The following ANKRD49 variants were observed in gnomAD, a reference collection of about 807,000 sequenced individuals.
ANKRD49 encodes ankyrin repeat domain 49.
A neutral mutation model predicts 19.6 loss-of-function variants in ANKRD49; 18 were observed. The observed-to-expected ratio is 0.92, with a 90% CI of 0.63 to 1.36. The LOEUF is 1.36. Among genes scored for constraint, ANKRD49 ranks in the 40% most tolerant of loss-of-function variants. ANKRD49 has a pLI of 0.00. For missense variants in ANKRD49, 218 were observed against 281.6 expected (o/e 0.77, Z 1.62); for synonymous variants, 88 against 101.8 (o/e 0.86, Z 0.82).
chr11:94,497,044 C>A, intron 2 of ANKRD49, 93 bp downstream of exon 2: 1 of 1,525,124 alleles, frequency 6.6e-7, no homozygotes, highest in Non-Finnish European at 9.0e-7. Context: ...GCCATCATAC[C>A]TATCTCTTGA....
chr11:94,494,373 A>T (rs1947379037), intron 1 of ANKRD49, among the ~76,000 whole-genome samples: 2 of 152,272 alleles, frequency 1.3e-5, no homozygotes, highest in Middle Eastern at 3.4e-3. Flanking sequence ...GAGCAGTAAG[A>T]TGTATAGTGC....
Position 94,498,371 on chromosome 11 carries a change from A to G in ANKRD49, c.559A>G (p.Ser187Gly), listed in dbSNP as rs1359533075. 1.2e-6 allele frequency: 2 copies of G among 1,613,278 alleles called. No homozygotes were observed. Among genetic ancestry groups the G allele is most frequent in the Non-Finnish European group, 1.7e-6 (2 of 1,179,886 alleles). ...PLHLAAGNRDSKDTLELLLMN... is the reference protein window; with the variant it reads ...PLHLAAGNRDGKDTLELLLMN... ...GCATCTTGCTGCTGGGAACAGAGAC[A>G]GCAAGGATACCCTAGAACTCCTCCT... Residue 187 changes from serine to glycine, a missense_variant, in exon 3 of 3, where the codon AGC becomes GGC. Coordinates refer to ENST00000544612, the MANE Select transcript of ANKRD49 (RefSeq NM_017704.3).
At position 94,496,757 on chromosome 11, in the gene ANKRD49, G is replaced by C; in HGVS notation, c.64G>C (p.Glu22Gln). Residue 22 changes from glutamate to glutamine, a missense_variant, in exon 2 of 3, where the codon GAA becomes CAA. Coordinates refer to ENST00000544612, the MANE Select transcript of ANKRD49 (RefSeq NM_017704.3). ...PDQENSLDFS[E>Q]HFNQLELLET... is the part of the protein sequence containing the mutation. ...CCAAGAGAATTCCTTGGATTTTTCT[G>C]AACACTTTAACCAACTTGAATTGTT... 1 of 1,612,350 alleles carries C rather than the reference G, an allele frequency of 6.2e-7. No homozygotes were observed. Among genetic ancestry groups the C allele is most frequent in the South Asian group, 1.1e-5 (1 of 90,578 alleles).
At chr11:94,497,773 T>C in intron 2 of ANKRD49, 1 of 296,172 alleles carries the variant, frequency 3.4e-6, no homozygotes, top group Non-Finnish European at 6.3e-6. Flanking sequence ...ATGTTATTCA[T>C]TGGACTGAAG....
intron 2 of ANKRD49, chr11:94,497,222 A>G: frequency 1.9e-6 from 1 of 533,642 alleles, no homozygotes; most frequent in Non-Finnish European, 3.3e-6. Flanking sequence ...TAGGAAAGAG[A>G]GGATGGAAAC....
chr11:94,494,602 A>G (rs1049671732), intron 1 of ANKRD49, among the ~76,000 whole-genome samples: 1 of 152,184 alleles, frequency 6.6e-6, no homozygotes, highest in African/African-American at 2.4e-5. Flanking sequence ...ATACCCTGAC[A>G]TTCCTGATGG....
chr11:94,496,819 A>C lies in ANKRD49; in HGVS notation c.126A>C (p.Gln42His), dbSNP rs1402360160. The C allele has an allele frequency of 6.2e-7, 1 of 1,613,944 alleles. No homozygotes were observed. Among genetic ancestry groups the C allele is most frequent in the African/African-American group, 1.3e-5 (1 of 74,916 alleles). Residue 42 changes from glutamine (Q) to histidine (H), a missense_variant, in exon 2 of 3, where the codon CAA becomes CAC. Transcript: ENST00000544612. ...GACACCTTATTCCTACTGGTACTCA[A>C]AGTCTTTGGGTAGGCAATTCTGATG... Reference protein sequence around the residue: ...THGHLIPTGTQSLWVGNSDED... With the variant: ...THGHLIPTGTHSLWVGNSDED...
chr11:94,498,745 T>G lies in ANKRD49; in HGVS notation c.*213T>G. ...TAATTATTTCTGTGGAGTTTGTGAT[T>G]TTTTTATCAGAAATAATTTTAATGT... On this transcript the variant is annotated 3_prime_UTR_variant, in exon 3 of 3. Transcript: ENST00000544612. The G allele has an allele frequency of 1.8e-6, 1 of 567,258 alleles. No homozygotes were observed. The highest frequency in any genetic ancestry group is 3.1e-6 in the Non-Finnish European group (1 of 325,290). 35.1% of individuals were successfully genotyped at this position (567,258 alleles called of 1,614,324 possible).
Position 94,496,886 on chromosome 11 carries a change from T to G in ANKRD49, c.193T>G (p.Leu65Val). 6.2e-7 allele frequency: 1 copy of G among 1,613,446 alleles called. No homozygotes were observed. The highest frequency in any genetic ancestry group is 8.5e-7 in the Non-Finnish European group (1 of 1,179,890). Residue 65 changes from leucine to valine, a missense_variant, in exon 2 of 3, where the codon TTG becomes GTG. Physicochemically the swap from Leu to Val is conservative, Grantham distance 32. Transcript: ENST00000544612. ...QDDKNEEWYR[L>V]QEKKMEKDPS... The stretch of plus-strand genomic sequence containing the variant: ...TGACAAAAATGAAGAGTGGTATCGA[T>G]TGCAAGAAAAAAAAATGGAAAAAGA...
intron 1 of ANKRD49, 133 bp from the exon 2 acceptor site, chr11:94,496,471 G>A (rs1051793551): frequency 3.1e-5 from 13 of 415,168 alleles, no homozygotes; most frequent in African/African-American, 2.6e-4. Context: ...AGTATTTAGT[G>A]TATGTAAGGG....
chr11:94,498,239 A>T lies in ANKRD49; in HGVS notation c.427A>T (p.Thr143Ser), dbSNP rs1233492903. 3.7e-6 allele frequency: 6 copies of T among 1,613,986 alleles called. No homozygotes were observed. The Admixed American group carries it at 1.0e-4, about 27-fold the overall frequency. Residue 143 changes from threonine to serine, a missense_variant, in exon 3 of 3, where the codon ACG (threonine) becomes TCG (serine). Coordinates refer to ENST00000544612, the MANE Select transcript of ANKRD49 (RefSeq NM_017704.3). Reference protein sequence around the residue: ...DVHAVTVDGWTPLHSACKWNN... With the variant: ...DVHAVTVDGWSPLHSACKWNN... ...TCATGCAGTGACTGTGGATGGCTGG[A>T]CGCCCCTGCACAGTGCTTGTAAGTG...
chr11:94,497,260 A>G (rs1455543713), intron 2 of ANKRD49: 6 of 503,390 alleles, frequency 1.2e-5, no homozygotes, highest in African/African-American at 9.6e-5. Flanking sequence ...TAACTATACC[A>G]GGTACCTTAT....
At chr11:94,494,418 G>A (rs1683515311) in intron 1 of ANKRD49, among the ~76,000 whole-genome samples, 1 of 152,160 alleles carries the variant, frequency 6.6e-6, no homozygotes, top group Non-Finnish European at 1.5e-5. Context: ...GAATTAGAAC[G>A]TCTGCCCTTT....
intron 2 of ANKRD49, 187 bp downstream of exon 2, chr11:94,497,138 G>A (rs1947428012): frequency 8.2e-5 from 58 of 709,248 alleles, no homozygotes; most frequent in Middle Eastern, 7.3e-4. Flanking sequence ...GGGGGTTTAA[G>A]GATAATTATC....
chr11:94,498,476 T>A lies in ANKRD49; in HGVS notation c.664T>A (p.Tyr222Asn), dbSNP rs1215593017. The change falls in exon 3 of 3, where the codon TAT becomes AAT. Residue 222 changes from tyrosine to asparagine, a missense_variant. Coordinates refer to ENST00000544612, the MANE Select transcript of ANKRD49 (RefSeq NM_017704.3). ...TGATATTGCCAGGAGGACAAGTATC[T>A]ATCACTACCTCTTTGAAATTGTGGA... ...AFDIARRTSIYHYLFEIVEGC... is the reference protein window; with the variant it reads ...AFDIARRTSINHYLFEIVEGC... 6.2e-7 allele frequency: 1 copy of A among 1,613,924 alleles called. No individual in the cohort carries two copies. The highest frequency in any genetic ancestry group is 2.2e-5 in the East Asian group (1 of 44,888).
chr11:94,494,619 A>G (rs1947383076), intron 1 of ANKRD49, among the ~76,000 whole-genome samples: 1 of 152,190 alleles, frequency 6.6e-6, no homozygotes, highest in Non-Finnish European at 1.5e-5. Flanking sequence ...ATGGAATATC[A>G]GGAATATCAT....
intron 1 of ANKRD49, among the ~76,000 whole-genome samples, chr11:94,494,404 T>C (rs1238208288): frequency 1.3e-5 from 2 of 152,206 alleles, no homozygotes; most frequent in Admixed American, 1.3e-4. Context: ...AATGTAGAAC[T>C]TTTGAATTAG....
At position 94,498,360 on chromosome 11, in the gene ANKRD49, G is replaced by T; in HGVS notation, c.548G>T (p.Gly183Val). 6.2e-7 allele frequency: 1 copy of T among 1,613,444 alleles called. No individual in the cohort carries two copies. ...TTGACCCCCTTGCATCTTGCTGCTG[G>T]GAACAGAGACAGCAAGGATACCCTA... The part of the protein sequence containing the change: ...GLLTPLHLAA[G>V]NRDSKDTLEL... The change falls in exon 3 of 3, where the codon GGG (glycine) becomes GTG (valine). Residue 183 changes from glycine to valine, a missense_variant. Gly to Val is a moderately radical substitution (Grantham distance 109). Coordinates refer to ENST00000544612, the MANE Select transcript of ANKRD49 (RefSeq NM_017704.3).
intron 1 of ANKRD49, among the ~76,000 whole-genome samples, chr11:94,496,062 C>T (rs1947414063): frequency 6.6e-6 from 1 of 152,086 alleles, no homozygotes; most frequent in Non-Finnish European, 1.5e-5. Context: ...TTTCCTAGGC[C>T]TGAAATTATC....
Sources: allele counts gnomAD v4.1 joint callset (sites outside exome capture counted in the v4.1 genomes callset), GRCh38; gene constraint gnomAD v4.1.1; transcripts MANE v1.5; gene names NCBI Gene and HGNC (gene_info 2026-07-23, HGNC 2026-07-21).